MYO1D: variants seen among roughly 807,000 people sequenced by gnomAD.
MYO1D encodes unconventional myosin-Id.
A neutral mutation model predicts 122.0 loss-of-function variants in MYO1D; 83 were observed. The ratio of observed to expected loss-of-function variants is 0.68; its 90% CI spans 0.57 to 0.82. The LOEUF (loss-of-function observed/expected upper bound fraction) is 0.82. MYO1D is among the 40% of genes least tolerant of loss of function. The pLI is 0.00. For missense variants in MYO1D, 1,157 were observed against 1,269.5 expected, an observed-to-expected ratio of 0.91 and a Z score of 1.35; for synonymous variants, 464 against 446.9, an observed-to-expected ratio of 1.04 and a Z score of -0.48.
chr17:32,721,214 T>TA, intron 14 of MYO1D, 25 bp from the exon 15 acceptor site: 1 of 1,607,142 alleles, frequency 6.2e-7, no homozygotes, highest in East Asian at 2.2e-5. Context: ...CAGCAAATGG[T>TA]AAGTTTCACT....
Position 32,622,216 on chromosome 17 carries a change from A to G in MYO1D, c.2709+16506T>C, listed in dbSNP as rs185966439. Among the ~76,000 whole-genome samples the G allele has an allele frequency of 2.6e-5, 4 of 152,266 alleles. No homozygotes were observed. In the East Asian group the frequency reaches 7.7e-4, roughly 29 times the overall value. Reference sequence around the variant, plus strand: ...GCACCAAAGCCTGTTGTTCTCGCACATAAACAGGTCTTGAACCCATCTCCC... The same window carrying G: ...GCACCAAAGCCTGTTGTTCTCGCACGTAAACAGGTCTTGAACCCATCTCCC... On this transcript the variant is annotated intron_variant, in intron 20 of 21. Transcript: ENST00000318217.
rs1372427634 is a variant in MYO1D, at chr17:32,682,957, C to CT, written c.2122-23620dup. Among the ~76,000 whole-genome samples, 725 of 101,630 alleles carry CT rather than the reference C, an allele frequency of 7.1e-3. 12 individuals are homozygous for CT. The highest frequency in any genetic ancestry group is 0.032 in the African/African-American group (691 of 21,800). The allele number at this position is 101,630 out of a possible 152,430, so 66.7% of individuals were successfully genotyped here. ...GAGGCTTTGCTCATTTCTTTTTATT[C>CT]TTTTTTCTCTAAACTTCCCTTCTCG... is the stretch of plus-strand genomic sequence containing the variant. On this transcript the variant is annotated intron_variant, in intron 16 of 21. Transcript: ENST00000318217.
At chr17:32,573,065 G>A (rs2087245864) in intron 21 of MYO1D, among the ~76,000 whole-genome samples, 1 of 127,372 alleles carries the variant, frequency 7.9e-6, no homozygotes, top group African/African-American at 2.6e-5. Flanking sequence ...GCACATACAA[G>A]GCATTGAAAA....
intron 21 of MYO1D, among the ~76,000 whole-genome samples, chr17:32,584,809 G>T (rs1352737717): frequency 6.6e-6 from 1 of 152,136 alleles, no homozygotes; most frequent in Admixed American, 6.5e-5. Context: ...CTTGCAAAAA[G>T]AAATACATAT....
intron 11 of MYO1D, 80 bp from the exon 12 acceptor site, chr17:32,749,086 GATGA>G: frequency 8.0e-7 from 1 of 1,243,752 alleles, no homozygotes; most frequent in Non-Finnish European, 1.2e-6. Context: ...AATATGAAAT[GATGA>G]TAATATCACA....
intron 1 of MYO1D, chr17:32,792,557 C>T (rs937171024): frequency 6.6e-6 from 1 of 152,176 alleles, no homozygotes; most frequent in African/African-American, 2.4e-5. Context: ...GTGATGGAGT[C>T]AATTAGTTTT....
At chr17:32,868,804 C>T (rs1001696379) in intron 1 of MYO1D, among the ~76,000 whole-genome samples, 5 of 152,166 alleles carry the variant, frequency 3.3e-5, no homozygotes, top group African/African-American at 9.7e-5. Context: ...TGAACTTGGT[C>T]ATTTACGTCT....
intron 21 of MYO1D, among the ~76,000 whole-genome samples, chr17:32,500,410 G>A (rs1567867712): frequency 1.3e-5 from 2 of 152,210 alleles, no homozygotes; most frequent in East Asian, 3.8e-4. Context: ...CCAGACCTGG[G>A]AAGGAGGTCT....
intron 21 of MYO1D, among the ~76,000 whole-genome samples, chr17:32,542,329 G>C (rs1459820708): frequency 6.6e-6 from 1 of 152,164 alleles, no homozygotes; most frequent in Admixed American, 6.5e-5. Flanking sequence ...GGGCTGAGGA[G>C]CCTGGCACAC....
At chr17:32,648,999 A>G (rs2088342849) in intron 19 of MYO1D, among the ~76,000 whole-genome samples, 1 of 152,182 alleles carries the variant, frequency 6.6e-6, no homozygotes, top group Non-Finnish European at 1.5e-5. Context: ...TTTATAACAT[A>G]TCACAGTCTA....
intron 16 of MYO1D, 81 bp downstream of exon 16, chr17:32,711,907 C>A: frequency 2.6e-6 from 3 of 1,167,082 alleles, no homozygotes; most frequent in Admixed American, 2.4e-5. Flanking sequence ...AGGAATATTT[C>A]TTGAATTAAA....
intron 21 of MYO1D, among the ~76,000 whole-genome samples, chr17:32,554,940 G>A (rs2087055162): frequency 6.6e-6 from 1 of 152,096 alleles, no homozygotes; most frequent in South Asian, 2.1e-4. Flanking sequence ...TGGCTGGTAG[G>A]AGCATAACAT....
At chr17:32,766,910 T>C (rs2090064855) in intron 7 of MYO1D, among the ~76,000 whole-genome samples, 1 of 152,250 alleles carries the variant, frequency 6.6e-6, no homozygotes. Flanking sequence ...AAAGTCTTCC[T>C]AGTCAGGAAC....
Position 32,760,358 on chromosome 17 carries a change from G to C in MYO1D, c.1228C>G (p.Leu410Val), listed in dbSNP as rs144403687. 68 of 1,612,470 alleles carry C rather than the reference G, an allele frequency of 4.2e-5. No homozygotes were observed. The African/African-American group carries it at 7.3e-4, about 17-fold the overall frequency. Reference protein sequence around the residue: ...INYCNEKLQQLFIQLVLKQEQ... With the variant: ...INYCNEKLQQVFIQLVLKQEQ... ...TGCTTCAGAACCAGCTGAATAAATA[G>C]CTGCTGCAGTTTCTCATTGCAGTAA... The change falls in exon 10 of 22, where the codon CTA becomes GTA. Residue 410 changes from leucine (L) to valine (V), a missense_variant. Transcript: ENST00000318217.
rs889603445 is a variant in MYO1D, at chr17:32,767,711, A to G, written c.756T>C (p.Asp252=). 6.2e-6 allele frequency: 10 copies of G among 1,613,874 alleles called. No homozygotes were observed. The highest frequency in any genetic ancestry group is 8.5e-6 in the Non-Finnish European group (10 of 1,179,958). Residue 252 remains aspartate, a synonymous_variant, in exon 7 of 22, where the codon GAT becomes GAC. Coordinates refer to ENST00000318217, the MANE Select transcript of MYO1D (RefSeq NM_015194.3). ...NDAAEFRVVA[D]AMKVIGFKPE... is the part of the protein sequence containing the mutation. ...GTTTGAAGCCAATGACTTTCATGGC[A>G]TCAGCAACAACTCTGAATTCGGCAG... is the stretch of plus-strand genomic sequence containing the variant.
At chr17:32,495,803 A>T (rs1305420408) in intron 21 of MYO1D, 1 of 152,236 alleles carries the variant, frequency 6.6e-6, no homozygotes, top group Admixed American at 6.5e-5. Flanking sequence ...GGGAGGGGAG[A>T]GGAGAAAGGA....
At chr17:32,733,951 A>C (rs1050124589) in intron 14 of MYO1D, among the ~76,000 whole-genome samples, 6 of 152,162 alleles carry the variant, frequency 3.9e-5, no homozygotes, top group African/African-American at 1.4e-4. Context: ...TGTGTTTCTA[A>C]GTTAAATTGA....
rs561724350 is a variant in MYO1D, at chr17:32,553,227, A to T, written c.2864+51860T>A. On this transcript the variant is annotated intron_variant, in intron 21 of 21. Transcript: ENST00000318217. ...CCTTAGAGGAGCCTGAAAAGCACTG[A>T]GAAGTAGAAAACTACTACACAAGGT... Among the ~76,000 whole-genome samples, 15 of 152,362 alleles carry T rather than the reference A, an allele frequency of 9.8e-5. 1 individual carries two copies. In the South Asian group the frequency reaches 2.3e-3, roughly 23 times the overall value.
At chr17:32,586,786 T>C (rs1185197405) in intron 21 of MYO1D, among the ~76,000 whole-genome samples, 1 of 152,194 alleles carries the variant, frequency 6.6e-6, no homozygotes, top group Non-Finnish European at 1.5e-5. Flanking sequence ...TTCAGTCTCT[T>C]GGCCCTTTTC....
Sources: gnomAD v4.1 joint callset for allele counts (sites outside exome capture counted in the v4.1 genomes callset) on GRCh38, gnomAD v4.1.1 for gene constraint, MANE v1.5 for transcripts, NCBI Gene and HGNC (gene_info 2026-07-23, HGNC 2026-07-21) for gene names.